Variants in LSM14A observed in about 807,000 individuals in gnomAD.
LSM14A encodes the protein protein LSM14 homolog A.
LSM14A carries 14 observed loss-of-function variants against 52.4 expected under a neutral mutation model. The ratio of observed to expected loss-of-function variants is 0.27; its 90% CI spans 0.18 to 0.42. LSM14A has a LOEUF of 0.42. Ranked by LOEUF, LSM14A falls within the 10% of genes least tolerant of loss-of-function variation. LSM14A has a pLI of 1.00. For missense variants in LSM14A, 417 were observed against 581.8 expected, an observed-to-expected ratio of 0.72 and a Z score of 2.91; for synonymous variants, 185 against 200.3, an observed-to-expected ratio of 0.92 and a Z score of 0.64.
intron 1 of LSM14A, among the ~76,000 whole-genome samples, chr19:34,173,376 A>C (rs1333639604): frequency 6.6e-6 from 1 of 152,030 alleles, no homozygotes; most frequent in East Asian, 1.9e-4. Flanking sequence ...TTGTGCAACC[A>C]CCTCATTAGG....
intron 2 of LSM14A, 68 bp from the exon 3 acceptor site, chr19:34,196,566 G>C (rs2145662483): frequency 6.8e-7 from 1 of 1,462,050 alleles, no homozygotes; most frequent in Non-Finnish European, 9.1e-7. Flanking sequence ...GTAAAAATCT[G>C]GAATTTTTTT....
At chr19:34,227,171 A>G (rs1599729608) in intron 9 of LSM14A, among the ~76,000 whole-genome samples, 194 bp from the exon 10 acceptor site, 2 of 152,356 alleles carry the variant, frequency 1.3e-5, no homozygotes, top group Middle Eastern at 6.8e-3. Context: ...TGGAAGATGC[A>G]GTCAACAATG....
chr19:34,223,137 A>G (rs1205254106), intron 9 of LSM14A, among the ~76,000 whole-genome samples: 4 of 151,864 alleles, frequency 2.6e-5, no homozygotes, highest in Admixed American at 6.6e-5. Flanking sequence ...CTGGAGTGCA[A>G]TGGCATGATC....
At chr19:34,222,659 T>A (rs1161153688) in intron 9 of LSM14A, among the ~76,000 whole-genome samples, 1 of 152,138 alleles carries the variant, frequency 6.6e-6, no homozygotes, top group African/African-American at 2.4e-5. Context: ...TGGAAAGAGA[T>A]CAGTATTAGT....
In LSM14A at chr19:34,219,740, T is replaced by C; in HGVS notation, c.999T>C (p.Asn333=). The part of the protein sequence containing the change: ...DKLEKQEKPV[N]GEDKGDSGVD... ...TTGAGAAACAGGAGAAGCCTGTAAA[T>C]GGTGAAGATAAAGGAGACTCAGGAG... is the stretch of plus-strand genomic sequence containing the variant. The change falls in exon 8 of 10, where the codon AAT becomes AAC. Residue 333 remains asparagine (N), a synonymous_variant. Coordinates refer to ENST00000544216, the MANE Select transcript of LSM14A (RefSeq NM_015578.4). The C allele has an allele frequency of 6.2e-7, 1 of 1,612,568 alleles. No homozygotes were observed. Among genetic ancestry groups the C allele is most frequent in the East Asian group, 2.2e-5 (1 of 44,858 alleles).
chr19:34,207,075 A>G (rs896420075), intron 3 of LSM14A, among the ~76,000 whole-genome samples: 1 of 152,232 alleles, frequency 6.6e-6, no homozygotes, highest in African/African-American at 2.4e-5. Flanking sequence ...ATCTGTGGAA[A>G]AAATAAAACT....
At position 34,172,552 on chromosome 19, in the gene LSM14A, G is replaced by C. The variant is rs1371310089; in HGVS notation, c.-91G>C. The C allele has an allele frequency of 6.5e-6, 9 of 1,390,328 alleles. No individual in the cohort carries two copies. In the East Asian group the frequency reaches 2.5e-4, roughly 38 times the overall value. 86.1% of individuals were successfully genotyped at this position (1,390,328 alleles called of 1,614,324 possible). A position where few individuals can be genotyped will look rare whatever the true frequency, so the allele number is the denominator to read the frequency against. ...GTTGGGTCTGAAGCGGCTGCTGTAG[G>C]CGCCGACGGAGCGAGCGGGCGTGCG... On this transcript the variant is annotated 5_prime_UTR_variant, in exon 1 of 10. Coordinates refer to ENST00000544216, the MANE Select transcript of LSM14A (RefSeq NM_015578.4).
In LSM14A at chr19:34,208,922, C is replaced by CT. The variant is rs762209273; in HGVS notation, c.416-4dup. 4.5e-6 allele frequency: 7 copies of CT among 1,570,158 alleles called. No homozygotes were observed. The East Asian group carries it at 1.6e-4, about 36-fold the overall frequency. ...ATTTTTTTATCATTTAAAAACATCT[C>CT]TTTAAGCTGGAAGCTCTTTGACATC... is the stretch of plus-strand genomic sequence containing the variant. On this transcript the variant is annotated splice_polypyrimidine_tract_variant and splice_region_variant and intron_variant, in intron 3 of 9. Transcript: ENST00000544216.
rs760565030 is a variant in LSM14A, at chr19:34,221,581, G to A, written c.1211G>A (p.Arg404His). The change falls in exon 9 of 10, where the codon CGT becomes CAT. Residue 404 changes from arginine (R) to histidine (H), a missense_variant. Arg to His is a conservative substitution (Grantham distance 29). This residue lies in a region of LSM14A where 357 missense variants were observed against 457.0 expected (regional missense o/e 0.78). Transcript: ENST00000544216. ...ETFGIPLRPN[R>H]GRGGYRGRGG... ...TTTGGAATCCCACTTCGTCCAAACCGTGGCCGTGGGGGATACAGAGGCAGA... is the reference window on the plus strand; with the variant it reads ...TTTGGAATCCCACTTCGTCCAAACCATGGCCGTGGGGGATACAGAGGCAGA... 3 of 1,614,028 alleles carry A rather than the reference G, an allele frequency of 1.9e-6. No individual in the cohort carries two copies. The highest frequency in any genetic ancestry group is 1.1e-5 in the South Asian group (1 of 91,082).
rs2073397959 is a variant in LSM14A, at chr19:34,227,392, A to G, written c.*4A>G. Reference sequence around the variant, plus strand: ...AGACAACAAAGTTGCTGCATAGTCTACAAACAAGTCTCTGAAAATAGGTGA... The same window carrying G: ...AGACAACAAAGTTGCTGCATAGTCTGCAAACAAGTCTCTGAAAATAGGTGA... On this transcript the variant is annotated 3_prime_UTR_variant, in exon 10 of 10. Coordinates refer to ENST00000544216, the MANE Select transcript of LSM14A (RefSeq NM_015578.4). The G allele has an allele frequency of 6.9e-6, 11 of 1,592,548 alleles. No homozygotes were observed. The East Asian group carries it at 2.5e-4, about 36-fold the overall frequency.
rs1044934076 is a variant in LSM14A, at chr19:34,194,423, A to G, written c.122-55A>G. On this transcript the variant is annotated intron_variant, in intron 1 of 9. Transcript: ENST00000544216. The stretch of plus-strand genomic sequence containing the variant: ...AAATACAACATTTAGAATCTGGGGT[A>G]CTACCTGAATGTGATGAGTAGTCAC... 2.1e-6 allele frequency: 3 copies of G among 1,404,884 alleles called. No individual in the cohort carries two copies. The African/African-American group carries it at 4.3e-5, about 20-fold the overall frequency. 87.0% of individuals were successfully genotyped at this position (1,404,884 alleles called of 1,614,324 possible). A position where few individuals can be genotyped will look rare whatever the true frequency, so the allele number is the denominator to read the frequency against.
intron 4 of LSM14A, among the ~76,000 whole-genome samples, chr19:34,212,268 C>A (rs1278671410): frequency 1.3e-5 from 2 of 152,134 alleles, no homozygotes; most frequent in Non-Finnish European, 2.9e-5. Context: ...AAGGTGGCAG[C>A]AAGCTGTGAT....
chr19:34,176,146 G>A (rs761617402), intron 1 of LSM14A, among the ~76,000 whole-genome samples: 1 of 152,148 alleles, frequency 6.6e-6, no homozygotes, highest in Non-Finnish European at 1.5e-5. Flanking sequence ...CACTGCACCC[G>A]GCCTGAAGCC....
chr19:34,196,624 T>C lies in LSM14A; in HGVS notation c.286-10T>C. 6.3e-7 allele frequency: 1 copy of C among 1,581,622 alleles called. No homozygotes were observed. The highest frequency in any genetic ancestry group is 2.3e-5 in the East Asian group (1 of 43,902). On this transcript the variant is annotated splice_polypyrimidine_tract_variant and intron_variant, in intron 2 of 9. Transcript: ENST00000544216. ...AGAGCTTGGAAACATAACTCATGAT[T>C]TTCCTTCAGTCCTCACTAGGCTCAT... is the stretch of plus-strand genomic sequence containing the variant.
intron 1 of LSM14A, among the ~76,000 whole-genome samples, chr19:34,182,141 G>C (rs1284599685): frequency 2.6e-5 from 4 of 152,022 alleles, no homozygotes; most frequent in Admixed American, 2.0e-4. Flanking sequence ...CCTGTTTCTT[G>C]TTTCCAATAT....
intron 1 of LSM14A, 51 bp downstream of exon 1, chr19:34,172,814 G>T: frequency 6.6e-7 from 1 of 1,505,494 alleles, no homozygotes; most frequent in Non-Finnish European, 8.8e-7. Flanking sequence ...GCCGCTCGGG[G>T]CTGCTCCCCG....
chr19:34,177,306 T>G (rs1188257091), intron 1 of LSM14A, among the ~76,000 whole-genome samples: 1 of 152,200 alleles, frequency 6.6e-6, no homozygotes, highest in African/African-American at 2.4e-5. Flanking sequence ...CTTTAAACCT[T>G]TTTGTGCTTT....
intron 7 of LSM14A, 33 bp from the exon 8 acceptor site, chr19:34,219,673 C>A: frequency 1.9e-6 from 3 of 1,589,724 alleles, no homozygotes; most frequent in Non-Finnish European, 2.6e-6. Flanking sequence ...GATTAGCTGT[C>A]TTGACTTTTC....
intron 1 of LSM14A, among the ~76,000 whole-genome samples, chr19:34,183,731 A>G (rs1254721470): frequency 1.3e-5 from 2 of 152,198 alleles, no homozygotes; most frequent in East Asian, 3.8e-4. Flanking sequence ...CTTTCACCCC[A>G]AACTCCTAAA....
Sources: gnomAD v4.1 joint callset for allele counts (sites outside exome capture counted in the v4.1 genomes callset) on GRCh38, gnomAD v4.1.1 for gene constraint, gnomAD v4.1.1 regional missense constraint, MANE v1.5 for transcripts, NCBI Gene and HGNC (gene_info 2026-07-23, HGNC 2026-07-21) for gene names.